The following LRRC4C variants were observed in gnomAD, a reference collection of about 807,000 sequenced individuals.
LRRC4C encodes leucine rich repeat containing 4C.
LRRC4C carries 5 observed loss-of-function variants against 33.6 expected under a neutral mutation model. The observed-to-expected ratio is 0.15, with a 90% CI of 0.08 to 0.31. The LOEUF (loss-of-function observed/expected upper bound fraction) is 0.31. Among genes scored for constraint, LRRC4C ranks in the 10% least tolerant of loss-of-function variants. The probability of loss-of-function intolerance (pLI) is 1.00; values close to 1 mark genes in which losing one functional copy is unlikely to be tolerated. For missense variants in LRRC4C, 560 were observed against 796.7 expected (o/e 0.70, Z 3.58); for synonymous variants, 329 against 302.0 (o/e 1.09, Z -0.93).
intron 2 of LRRC4C, among the ~76,000 whole-genome samples, chr11:40,738,507 T>G (rs1329267947): frequency 6.6e-6 from 1 of 152,096 alleles, no homozygotes; most frequent in East Asian, 1.9e-4. Context: ...AAGTTTAAAT[T>G]GAAAAGGTTA....
At chr11:41,378,107 T>C (rs1171614168) in intron 1 of LRRC4C, among the ~76,000 whole-genome samples, 1 of 151,896 alleles carries the variant, frequency 6.6e-6, no homozygotes, top group Non-Finnish European at 1.5e-5. Context: ...TGTACTTAAT[T>C]ACCACTGAGG....
At chr11:41,330,320 TC>T (rs1215122075) in intron 1 of LRRC4C, among the ~76,000 whole-genome samples, 1 of 152,064 alleles carries the variant, frequency 6.6e-6, no homozygotes, top group African/African-American at 2.4e-5. Context: ...TTTGTTTTTT[TC>T]TTTTTTGTTT....
chr11:40,724,845 A>G (rs1437864900), intron 2 of LRRC4C, among the ~76,000 whole-genome samples: 1 of 152,226 alleles, frequency 6.6e-6, no homozygotes, highest in Non-Finnish European at 1.5e-5. Flanking sequence ...ATAGACTGTT[A>G]GTTAGATTTA....
At chr11:40,461,670 T>A (rs574076079) in intron 3 of LRRC4C, among the ~76,000 whole-genome samples, 278 of 148,906 alleles carry the variant, frequency 1.9e-3, no homozygotes, top group Middle Eastern at 3.6e-3. Flanking sequence ...TATATACAAA[T>A]TATATATATA....
At chr11:40,904,852 T>A (rs189023497) in intron 2 of LRRC4C, among the ~76,000 whole-genome samples, 3 of 152,260 alleles carry the variant, frequency 2.0e-5, no homozygotes, top group Admixed American at 2.0e-4. Context: ...GGAACACACT[T>A]TCATCAAGCC....
chr11:40,938,027 C>G (rs1263729906), intron 1 of LRRC4C, among the ~76,000 whole-genome samples: 2 of 152,126 alleles, frequency 1.3e-5, no homozygotes, highest in Non-Finnish European at 2.9e-5. Context: ...GTAATTCTCT[C>G]TGTGATTATC....
intron 1 of LRRC4C, among the ~76,000 whole-genome samples, chr11:40,973,570 A>G (rs1264778567): frequency 6.6e-6 from 1 of 152,208 alleles, no homozygotes; most frequent in Non-Finnish European, 1.5e-5. Flanking sequence ...GAGCTGGCCC[A>G]GAGAAGGATT....
intron 1 of LRRC4C, among the ~76,000 whole-genome samples, chr11:41,078,026 G>C (rs1373740815): frequency 6.6e-6 from 1 of 152,164 alleles, no homozygotes; most frequent in Non-Finnish European, 1.5e-5. Context: ...AACGCCACCA[G>C]TCTCTTTGCT....
chr11:40,635,292 C>G (rs1365631832), intron 3 of LRRC4C, among the ~76,000 whole-genome samples: 1 of 152,138 alleles, frequency 6.6e-6, no homozygotes, highest in Admixed American at 6.5e-5. Context: ...TATAATTAAG[C>G]TAGTTGTCTA....
chr11:40,885,244 GC>G (rs1955397726), intron 2 of LRRC4C, among the ~76,000 whole-genome samples: 1 of 152,002 alleles, frequency 6.6e-6, no homozygotes, highest in African/African-American at 2.4e-5. Context: ...TAAAGTTATT[GC>G]TTAGCACTTA....
At chr11:40,945,819 A>G (rs1470747335) in intron 1 of LRRC4C, among the ~76,000 whole-genome samples, 2 of 152,202 alleles carry the variant, frequency 1.3e-5, no homozygotes, top group Non-Finnish European at 2.9e-5. Flanking sequence ...AGAGCCTCCA[A>G]GTAAATCTCA....
At chr11:40,329,240 G>A (rs1454189790) in intron 3 of LRRC4C, among the ~76,000 whole-genome samples, 2 of 152,180 alleles carry the variant, frequency 1.3e-5, no homozygotes, top group African/African-American at 4.8e-5. Flanking sequence ...ATTAAACCTT[G>A]TTTTACTTGG....
intron 1 of LRRC4C, among the ~76,000 whole-genome samples, chr11:41,442,519 G>T (rs527563131): frequency 2.2e-5 from 3 of 138,204 alleles, no homozygotes; most frequent in Admixed American, 7.7e-5. Context: ...GCCCAGGCTG[G>T]AGTGCAGTGG....
At chr11:41,251,760 C>T (rs76603337) in intron 1 of LRRC4C, among the ~76,000 whole-genome samples, 1 of 152,048 alleles carries the variant, frequency 6.6e-6, no homozygotes, top group Non-Finnish European at 1.5e-5. Context: ...ACCAAAGTAA[C>T]ACAAAAATGA....
At chr11:40,665,388 T>A (rs11036002) in intron 2 of LRRC4C, among the ~76,000 whole-genome samples, 84 of 101,310 alleles carry the variant, frequency 8.3e-4, no homozygotes, top group Non-Finnish European at 1.5e-3. Context: ...ATATATATAT[T>A]ATTAGGGGTA....
At chr11:41,109,338 C>T (rs758605021) in intron 1 of LRRC4C, among the ~76,000 whole-genome samples, 150 of 151,892 alleles carry the variant, frequency 9.9e-4, no homozygotes, top group Non-Finnish European at 4.6e-4. Flanking sequence ...TTAAAGCAAC[C>T]CTATAAAATC....
Position 41,073,852 on chromosome 11 carries a change from G to C in LRRC4C, c.-495-140129C>G, listed in dbSNP as rs1332054040. Among the ~76,000 whole-genome samples the C allele has an allele frequency of 2.0e-5, 3 of 152,178 alleles. No homozygotes were observed. The East Asian group carries it at 5.8e-4, about 29-fold the overall frequency. ...TCAGTGCTACATAGTATCACATTGA[G>C]TACATAATAAAGGGCTTAACAATAA... On this transcript the variant is annotated intron_variant, in intron 1 of 6. Coordinates refer to ENST00000528697, the MANE Select transcript of LRRC4C (RefSeq NM_001258419.2).
intron 1 of LRRC4C, among the ~76,000 whole-genome samples, chr11:40,983,487 A>G (rs541009759): frequency 6.6e-6 from 1 of 152,358 alleles, no homozygotes; most frequent in East Asian, 1.9e-4. Context: ...TCCAAAAGCA[A>G]TTGCAACAAA....
intron 1 of LRRC4C, among the ~76,000 whole-genome samples, chr11:41,071,106 T>C (rs575544220): frequency 1.3e-5 from 2 of 152,192 alleles, no homozygotes; most frequent in South Asian, 2.1e-4. Context: ...TTGCAGGGAC[T>C]TGGATGAAGC....
Sources: gnomAD v4.1 joint callset for allele counts (sites outside exome capture counted in the v4.1 genomes callset) on GRCh38, gnomAD v4.1.1 for gene constraint, MANE v1.5 for transcripts, NCBI Gene and HGNC (gene_info 2026-07-23, HGNC 2026-07-21) for gene names.